Variants in SCFD2 observed in about 807,000 individuals in gnomAD.
SCFD2 encodes sec1 family domain containing 2.
Under a neutral mutation model 58.9 loss-of-function variants are expected in SCFD2, and 54 were observed. The observed-to-expected ratio is 0.92, with a 90% CI of 0.74 to 1.15. The LOEUF (loss-of-function observed/expected upper bound fraction) is 1.15, where lower values mean the gene tolerates loss of function less well. Among genes scored for constraint, SCFD2 ranks in the 50% most tolerant of loss-of-function variants. The pLI, the probability that SCFD2 is intolerant of heterozygous loss-of-function variation, is 0.00. For synonymous variants in SCFD2, 321 were observed against 335.9 expected (o/e 0.96, Z 0.49); for missense variants, 805 against 836.6 (o/e 0.96, Z 0.47).
chr4:53,344,788 TA>T (rs1734004629), intron 2 of SCFD2, among the ~76,000 whole-genome samples: 1 of 152,000 alleles, frequency 6.6e-6, no homozygotes, highest in Non-Finnish European at 1.5e-5. Context: ...GCCTCAGAAG[TA>T]ACACCACACA....
chr4:53,208,281 T>C (rs1362742023), intron 4 of SCFD2, among the ~76,000 whole-genome samples: 2 of 152,090 alleles, frequency 1.3e-5, no homozygotes, highest in African/African-American at 4.8e-5. Context: ...GGTACTTCTT[T>C]ATAGCAGTGC....
intron 4 of SCFD2, among the ~76,000 whole-genome samples, chr4:53,208,801 T>TA (rs1227177214): frequency 6.6e-6 from 1 of 152,152 alleles, no homozygotes; most frequent in Non-Finnish European, 1.5e-5. Flanking sequence ...ATTGATAAAC[T>TA]AAGTGAGCAA....
chr4:52,955,568 A>G (rs1320501562), intron 5 of SCFD2, among the ~76,000 whole-genome samples: 2 of 152,212 alleles, frequency 1.3e-5, no homozygotes, highest in Non-Finnish European at 2.9e-5. Context: ...GATTTGTTTC[A>G]GGGAACACCA....
At chr4:53,213,503 C>T (rs1728692525) in intron 4 of SCFD2, among the ~76,000 whole-genome samples, 2 of 152,014 alleles carry the variant, frequency 1.3e-5, no homozygotes, top group South Asian at 4.1e-4. Context: ...TGTAAAAAGC[C>T]TCTTTTGTAA....
At chr4:53,189,991 A>G (rs1460822599) in intron 4 of SCFD2, among the ~76,000 whole-genome samples, 4 of 152,230 alleles carry the variant, frequency 2.6e-5, no homozygotes, top group Non-Finnish European at 5.9e-5. Context: ...CAAACTAAAC[A>G]ATAACATGAA....
chr4:53,178,244 C>G (rs1727411376), intron 4 of SCFD2, among the ~76,000 whole-genome samples: 7 of 152,168 alleles, frequency 4.6e-5, no homozygotes, highest in Admixed American at 4.6e-4. Flanking sequence ...CTGGGAGGCA[C>G]CCCTCAGTAG....
intron 4 of SCFD2, among the ~76,000 whole-genome samples, chr4:53,163,389 C>T (rs555660683): frequency 1.3e-5 from 2 of 152,196 alleles, no homozygotes; most frequent in African/African-American, 2.4e-5. Flanking sequence ...AATGAACCAC[C>T]GCTCCTCTAA....
intron 4 of SCFD2, among the ~76,000 whole-genome samples, chr4:53,152,017 G>A (rs1726522994): frequency 6.6e-6 from 1 of 151,690 alleles, no homozygotes; most frequent in Non-Finnish European, 1.5e-5. Context: ...ATTAATGAGG[G>A]ATCTACCCCC....
intron 5 of SCFD2, among the ~76,000 whole-genome samples, chr4:52,940,235 C>T (rs945435457): frequency 1.3e-5 from 2 of 152,206 alleles, no homozygotes; most frequent in African/African-American, 4.8e-5. Flanking sequence ...TGTAAAGCAT[C>T]AAGAGGCCTG....
intron 4 of SCFD2, among the ~76,000 whole-genome samples, chr4:53,197,034 T>C (rs1728079687): frequency 6.6e-6 from 1 of 152,196 alleles, no homozygotes; most frequent in South Asian, 2.1e-4. Context: ...TTTTCAAAGA[T>C]TCACAATTCC....
intron 3 of SCFD2, among the ~76,000 whole-genome samples, chr4:53,298,214 G>C (rs1732118476): frequency 6.6e-6 from 1 of 152,184 alleles, no homozygotes; most frequent in Non-Finnish European, 1.5e-5. Flanking sequence ...AGGGGTGACA[G>C]ACGGCACCTG....
At chr4:53,063,862 G>C (rs1723582780) in intron 5 of SCFD2, among the ~76,000 whole-genome samples, 2 of 152,088 alleles carry the variant, frequency 1.3e-5, no homozygotes, top group Admixed American at 1.3e-4. Context: ...ACCACTGGCA[G>C]AGTCTATGCT....
At chr4:52,896,426 C>T (rs571071332) in intron 7 of SCFD2, among the ~76,000 whole-genome samples, 2 of 152,268 alleles carry the variant, frequency 1.3e-5, no homozygotes, top group South Asian at 4.1e-4. Context: ...GGATCCTTTC[C>T]CCATTGCTTG....
chr4:53,153,721 A>C (rs1277086237), intron 4 of SCFD2, among the ~76,000 whole-genome samples: 1 of 152,164 alleles, frequency 6.6e-6, no homozygotes, highest in East Asian at 1.9e-4. Flanking sequence ...ACATGGCCAG[A>C]TTGTGACTTT....
chr4:52,982,168 C>A (rs534429601), intron 5 of SCFD2, among the ~76,000 whole-genome samples: 3 of 152,100 alleles, frequency 2.0e-5, no homozygotes, highest in African/African-American at 7.2e-5. Context: ...GAAGTGGAAG[C>A]CATACAATGG....
At chr4:53,000,222 G>A (rs192090799) in intron 5 of SCFD2, among the ~76,000 whole-genome samples, 1 of 152,198 alleles carries the variant, frequency 6.6e-6, no homozygotes, top group Non-Finnish European at 1.5e-5. Context: ...GGCCAGAAAA[G>A]CCTCGTACCT....
chr4:53,128,035 C>A (rs1481852285), intron 5 of SCFD2, among the ~76,000 whole-genome samples: 25 of 84,360 alleles, frequency 3.0e-4, no homozygotes, highest in Admixed American at 1.3e-3. Flanking sequence ...AATTGCAGAA[C>A]AAGGGCCATG....
intron 7 of SCFD2, among the ~76,000 whole-genome samples, chr4:52,886,322 G>T (rs937490913): frequency 1.3e-5 from 2 of 152,126 alleles, no homozygotes; most frequent in Admixed American, 1.3e-4. Flanking sequence ...ACCTGACTTC[G>T]GTTGGGGGAC....
At chr4:53,106,841 A>G (rs1338599262) in intron 5 of SCFD2, among the ~76,000 whole-genome samples, 1 of 152,220 alleles carries the variant, frequency 6.6e-6, no homozygotes, top group Non-Finnish European at 1.5e-5. Flanking sequence ...ACCTAGCAAG[A>G]CAGGCCAACA....
Sources: gnomAD v4.1 joint callset for allele counts (sites outside exome capture counted in the v4.1 genomes callset) on GRCh38, gnomAD v4.1.1 for gene constraint, MANE v1.5 for transcripts, NCBI Gene and HGNC (gene_info 2026-07-23, HGNC 2026-07-21) for gene names.